Variants in ART1 observed in about 807,000 individuals in gnomAD.
ART1 encodes the protein ADP-ribosyltransferase 1.
ART1 carries 29 observed loss-of-function variants against 27.0 expected under a neutral mutation model. The ratio of observed to expected loss-of-function variants is 1.08; its 90% confidence interval spans 0.80 to 1.47. The LOEUF is 1.47. Ranked by LOEUF, ART1 falls within the 40% of genes most tolerant of loss-of-function variation. The pLI is 0.00. For missense variants in ART1, 480 were observed against 423.0 expected (o/e 1.13, Z -1.18); for synonymous variants, 201 against 172.2 (o/e 1.17, Z -1.31).
chr11:3,653,297 G>T (rs867298283), intron 1 of ART1, among the ~76,000 whole-genome samples: 3 of 148,488 alleles, frequency 2.0e-5, no homozygotes, highest in African/African-American at 5.2e-5. Context: ...CCAGATGGCC[G>T]GTTCCTGCCT....
intron 1 of ART1, among the ~76,000 whole-genome samples, chr11:3,653,602 C>A (rs1163104957): frequency 7.9e-5 from 12 of 152,190 alleles, no homozygotes; most frequent in Non-Finnish European, 1.5e-4. Flanking sequence ...TCACACAAAG[C>A]CTGTTTGGTG....
intron 1 of ART1, among the ~76,000 whole-genome samples, chr11:3,653,496 C>G (rs568670466): frequency 1.5e-4 from 22 of 150,918 alleles, no homozygotes; most frequent in Non-Finnish European, 2.8e-4. Context: ...CTTTATCTAC[C>G]CAAATCCTAT....
chr11:3,648,522 A>G lies in ART1; in HGVS notation c.-53+3343A>G, dbSNP rs867155048. 6.6e-5 allele frequency among the ~76,000 whole-genome samples: 10 copies of G among 152,114 alleles called. No individual in the cohort carries two copies. In the South Asian group the frequency reaches 1.0e-3, roughly 16 times the overall value. On this transcript the variant is annotated intron_variant, in intron 1 of 4. Transcript: ENST00000250693. ...ATCCCTCAACCTCTTTCCCCTTTCA[A>G]TCTTGGCGCCACACTTCAATCTCTC...
At chr11:3,657,182 G>A (rs2077581971) in intron 1 of ART1, among the ~76,000 whole-genome samples, 1 of 152,178 alleles carries the variant, frequency 6.6e-6, no homozygotes, top group Non-Finnish European at 1.5e-5. Flanking sequence ...TGTAACATTT[G>A]TGTGAAGGCG....
chr11:3,648,625 G>A (rs61878503), intron 1 of ART1, among the ~76,000 whole-genome samples: 5,207 of 152,226 alleles, frequency 0.034, 115 homozygotes, highest in Non-Finnish European at 0.049. Flanking sequence ...CCAAAACTCC[G>A]GCGCCGGTCA....
intron 1 of ART1, among the ~76,000 whole-genome samples, chr11:3,650,943 A>G (rs1376312694): frequency 4.7e-5 from 7 of 149,248 alleles, no homozygotes; most frequent in African/African-American, 1.7e-4. Flanking sequence ...ATCCCACAGC[A>G]TGCTTTGAAA....
chr11:3,656,597 G>T (rs1284473081), intron 1 of ART1, among the ~76,000 whole-genome samples: 1 of 152,000 alleles, frequency 6.6e-6, no homozygotes, highest in Non-Finnish European at 1.5e-5. Context: ...GGCCAGGCTG[G>T]TCTTGAACTC....
At chr11:3,652,150 G>T (rs7478715) in intron 1 of ART1, among the ~76,000 whole-genome samples, 112,717 of 147,806 alleles carry the variant, frequency 0.76, 43,663 homozygotes, top group Middle Eastern at 0.88. Context: ...CACCCAGGAC[G>T]GGCAAATTAG....
At chr11:3,658,447 C>T (rs1032030564) in intron 1 of ART1, among the ~76,000 whole-genome samples, 11 of 152,188 alleles carry the variant, frequency 7.2e-5, no homozygotes, top group African/African-American at 2.4e-4. Context: ...CGCCTGTCCC[C>T]CAGCAAAGAG....
chr11:3,646,396 TTGAC>T (rs1442754319), intron 1 of ART1, among the ~76,000 whole-genome samples: 6 of 152,096 alleles, frequency 3.9e-5, no homozygotes, highest in Admixed American at 2.0e-4. Context: ...TGACGAATGA[TTGAC>T]TGAATGGACA....
At position 3,660,066 on chromosome 11, in the gene ART1, G is replaced by C; in HGVS notation, c.547G>C (p.Gly183Arg). 1.9e-6 allele frequency: 3 copies of C among 1,613,568 alleles called. No individual in the cohort carries two copies. The highest frequency in any genetic ancestry group is 2.5e-6 in the Non-Finnish European group (3 of 1,179,918). The change falls in exon 3 of 5, where the codon GGC (glycine) becomes CGC (arginine). Residue 183 changes from glycine to arginine, a missense_variant. Physicochemically the swap from Gly to Arg is moderately radical, Grantham distance 125 (BLOSUM62 -2). Transcript: ENST00000250693. ...CCACCAGGTGTTCCGAGGTGTGCAC[G>C]GCCTGCGCTTCCGGCCAGCAGGGCC... ...RCHQVFRGVH[G>R]LRFRPAGPRA...
intron 1 of ART1, among the ~76,000 whole-genome samples, chr11:3,653,278 C>G (rs193168213): frequency 2.7e-5 from 4 of 148,808 alleles, no homozygotes; most frequent in East Asian, 3.9e-4. Context: ...GTGACCTGCA[C>G]ATACACATCC....
At chr11:3,661,236 C>T in intron 3 of ART1, 136 bp from the exon 4 acceptor site, 1 of 734,008 alleles carries the variant, frequency 1.4e-6, no homozygotes, top group Non-Finnish European at 2.1e-6. Flanking sequence ...GAGGTTCCAC[C>T]ATGAAAGAGC....
chr11:3,655,235 C>A (rs191074147), intron 1 of ART1, among the ~76,000 whole-genome samples: 1 of 152,292 alleles, frequency 6.6e-6, no homozygotes, highest in Admixed American at 6.5e-5. Flanking sequence ...AGTTTCCTTC[C>A]CCCAAAAGCA....
In ART1 at chr11:3,649,677, T is replaced by C. The variant is rs143621646; in HGVS notation, c.-53+4498T>C. On this transcript the variant is annotated intron_variant, in intron 1 of 4. Coordinates refer to ENST00000250693, the MANE Select transcript of ART1 (RefSeq NM_004314.3). ...TCACCTCCCCTCCTCACACCCGGTC[T>C]GGTTTACCATTTCATTTCATGACTA... is the stretch of plus-strand genomic sequence containing the variant. Among the ~76,000 whole-genome samples the C allele has an allele frequency of 3.7e-3, 569 of 151,948 alleles. 4 individuals carry two copies. Among genetic ancestry groups the C allele is most frequent in the African/African-American group, 0.013 (532 of 41,282 alleles).
chr11:3,664,178 G>T lies in ART1; in HGVS notation c.973G>T (p.Gly325Cys), dbSNP rs756249752. The change falls in exon 5 of 5, where the codon GGC becomes TGC. Residue 325 changes from glycine to cysteine, a missense_variant. Gly to Cys is a radical substitution (Grantham distance 159). Transcript: ENST00000250693. ...GGTGAGGGCCTTTCCAGATGGTCCAGGCCTCCTTTGATGCATGAGACACGG... is the reference window on the plus strand; with the variant it reads ...GGTGAGGGCCTTTCCAGATGGTCCATGCCTCCTTTGATGCATGAGACACGG... ...LVVRAFPDGP[G>C]LL is the part of the protein sequence containing the mutation. 3.3e-5 allele frequency: 53 copies of T among 1,613,726 alleles called. No homozygotes were observed. Among genetic ancestry groups the T allele is most frequent in the African/African-American group, 1.3e-5 (1 of 74,914 alleles).
In ART1 at chr11:3,659,288, C is replaced by T; in HGVS notation, c.63+12C>T. On this transcript the variant is annotated intron_variant, in intron 2 of 4. Coordinates refer to ENST00000250693, the MANE Select transcript of ART1 (RefSeq NM_004314.3). ...TGGAAGCACTTCAGGTATGGGCATCCCCCACTGTTCCCACCCCAGCAGGGA... is the reference window on the plus strand; with the variant it reads ...TGGAAGCACTTCAGGTATGGGCATCTCCCACTGTTCCCACCCCAGCAGGGA... 2 of 1,614,070 alleles carry T rather than the reference C, an allele frequency of 1.2e-6. No homozygotes were observed. Among genetic ancestry groups the T allele is most frequent in the Non-Finnish European group, 1.7e-6 (2 of 1,180,004 alleles).
intron 1 of ART1, among the ~76,000 whole-genome samples, chr11:3,650,766 C>T (rs1036621993): frequency 6.6e-6 from 1 of 151,252 alleles, no homozygotes; most frequent in South Asian, 2.1e-4. Context: ...CACCTCATTG[C>T]CACCTTTTCC....
At chr11:3,655,729 G>A (rs2133957928) in intron 1 of ART1, 1 of 152,216 alleles carries the variant, frequency 6.6e-6, no homozygotes, top group East Asian at 1.9e-4. Flanking sequence ...TGGGTCATGT[G>A]CCCATCCATG....
Sources: gnomAD v4.1 joint callset for allele counts (sites outside exome capture counted in the v4.1 genomes callset) on GRCh38, gnomAD v4.1.1 for gene constraint, MANE v1.5 for transcripts, NCBI Gene and HGNC (gene_info 2026-07-23, HGNC 2026-07-21) for gene names.